SLC47A1: variants seen among roughly 807,000 people sequenced by gnomAD.
The protein encoded by SLC47A1 is solute carrier family 47 member 1, also known as multidrug and toxin extrusion protein 1.
A neutral mutation model predicts 65.8 loss-of-function variants in SLC47A1; 58 were observed. The observed-to-expected ratio is 0.88, with a 90% CI of 0.71 to 1.10. SLC47A1 has a LOEUF of 1.10. Ranked by LOEUF, SLC47A1 falls within the 50% of genes least tolerant of loss-of-function variation. The probability of loss-of-function intolerance (pLI) is 0.00; values close to 1 mark genes in which losing one functional copy is unlikely to be tolerated. For missense variants in SLC47A1, 706 were observed against 719.2 expected, an observed-to-expected ratio of 0.98 and a Z score of 0.21; for synonymous variants, 285 against 295.0, an observed-to-expected ratio of 0.97 and a Z score of 0.35.
intron 16 of SLC47A1, among the ~76,000 whole-genome samples, 193 bp downstream of exon 16, chr17:19,573,054 G>A (rs368671404): frequency 6.6e-6 from 1 of 152,188 alleles, no homozygotes. Context: ...TTAGTAAACC[G>A]CTATAGATGA....
At chr17:19,551,662 A>G (rs1192128415) in intron 6 of SLC47A1, among the ~76,000 whole-genome samples, 194 bp downstream of exon 6, 1 of 152,218 alleles carries the variant, frequency 6.6e-6, no homozygotes, top group East Asian at 1.9e-4. Flanking sequence ...AGTGATGTCA[A>G]GGAAAGAACA....
chr17:19,548,233 G>GAGAGATGAGCACCACCT, intron 4 of SLC47A1, 100 bp downstream of exon 4: 1 of 1,446,282 alleles, frequency 6.9e-7, no homozygotes, highest in Non-Finnish European at 9.3e-7. Context: ...GCACACCAAG[G>GAGAGATGAGCACCACCT]TGGTGCTCAT....
chr17:19,536,140 T>C (rs1253160542), intron 1 of SLC47A1, among the ~76,000 whole-genome samples: 1 of 152,028 alleles, frequency 6.6e-6, no homozygotes, highest in Admixed American at 6.6e-5. Flanking sequence ...CTCCCTGTGT[T>C]GCCCATTGCT....
intron 1 of SLC47A1, 119 bp from the exon 2 acceptor site, chr17:19,542,274 A>C (rs1772543169): frequency 1.8e-6 from 1 of 545,768 alleles, no homozygotes; most frequent in Admixed American, 3.3e-5. Context: ...GCAGAGGCTC[A>C]CTGAAGTTGT....
chr17:19,542,560 CAA>C (rs1916176923), intron 2 of SLC47A1, 66 bp downstream of exon 2: 22 of 1,279,274 alleles, frequency 1.7e-5, no homozygotes, highest in Non-Finnish European at 2.4e-5. Context: ...GCTACTATAA[CAA>C]ATCATCAAAA....
At chr17:19,560,081 T>A in intron 10 of SLC47A1, 107 bp from the exon 11 acceptor site, 1 of 768,132 alleles carries the variant, frequency 1.3e-6, no homozygotes, top group Admixed American at 2.9e-5. Context: ...TTCAAAACTT[T>A]TAGGACCAAG....
At chr17:19,542,872 A>T (rs1405910776) in intron 2 of SLC47A1, among the ~76,000 whole-genome samples, 1 of 149,864 alleles carries the variant, frequency 6.7e-6, no homozygotes, top group African/African-American at 2.5e-5. Context: ...GCTCACTGCA[A>T]CCTCTGCCTC....
chr17:19,554,191 C>G (rs1181093881), intron 6 of SLC47A1, among the ~76,000 whole-genome samples: 1 of 152,214 alleles, frequency 6.6e-6, no homozygotes, highest in Admixed American at 6.5e-5. Context: ...GACATTTAAG[C>G]GAAATCATGG....
At chr17:19,553,867 C>A (rs1158166614) in intron 6 of SLC47A1, among the ~76,000 whole-genome samples, 2 of 152,176 alleles carry the variant, frequency 1.3e-5, no homozygotes, top group Non-Finnish European at 2.9e-5. Flanking sequence ...GCCATTTGTC[C>A]TCTGTGTCAT....
At chr17:19,548,545 A>C (rs1916359087) in intron 4 of SLC47A1, among the ~76,000 whole-genome samples, 1 of 145,554 alleles carries the variant, frequency 6.9e-6, no homozygotes, top group African/African-American at 2.6e-5. Context: ...CGTCCCCCAG[A>C]CTGGAATGCA....
intron 1 of SLC47A1, among the ~76,000 whole-genome samples, chr17:19,538,717 TG>T (rs1916061131): frequency 6.6e-6 from 1 of 152,232 alleles, no homozygotes; most frequent in Non-Finnish European, 1.5e-5. Flanking sequence ...GAAGGGGGGC[TG>T]TCCCAGGTGA....
chr17:19,547,480 G>A lies in SLC47A1; in HGVS notation c.307-505G>A, dbSNP rs147929752. ...TCCAGTCTCTAAAAATAAATGAAGT[G>A]TGAATTTCAGATTGTTTACCTCTGC... On this transcript the variant is annotated intron_variant, in intron 3 of 16. Coordinates refer to ENST00000270570, the MANE Select transcript of SLC47A1 (RefSeq NM_018242.3). Among the ~76,000 whole-genome samples the A allele has an allele frequency of 6.8e-3, 1,026 of 150,290 alleles. 3 individuals carry two copies. The highest frequency in any genetic ancestry group is 0.014 in the Middle Eastern group (4 of 292).
At position 19,575,234 on chromosome 17, in the gene SLC47A1, C is replaced by T. The variant is rs7212034; in HGVS notation, c.1487-2093C>T. Among the ~76,000 whole-genome samples, 9 of 152,064 alleles carry T rather than the reference C, an allele frequency of 5.9e-5. No homozygotes were observed. In the East Asian group the frequency reaches 1.5e-3, roughly 26 times the overall value. ...TAGAGGCATGAGCCACTGCACCCGG[C>T]CCAAAATGATTTTCTTTCAGAACTC... On this transcript the variant is annotated intron_variant, in intron 16 of 16. Coordinates refer to ENST00000270570, the MANE Select transcript of SLC47A1 (RefSeq NM_018242.3).
rs67441443 is a variant in SLC47A1, at chr17:19,557,897, CAAAAA to C, written c.921+1848_921+1852del. ...GTAAATAAAAGTTATACTTTCCCTC[CAAAAA>C]AAAAAAAAAAAAGATTCATAAAAGT... On this transcript the variant is annotated intron_variant, in intron 10 of 16. Transcript: ENST00000270570. 6.6e-3 allele frequency: 938 copies of C among 142,772 alleles called. 2 individuals are homozygous for C. Among genetic ancestry groups the C allele is most frequent in the South Asian group, 0.029 (163 of 5,562 alleles). 8.8% of individuals were successfully genotyped at this position (142,772 alleles called of 1,614,324 possible).
chr17:19,556,032 C>T lies in SLC47A1; in HGVS notation c.891C>T (p.Ile297=), dbSNP rs76420645. Residue 297 remains isoleucine, a synonymous_variant, in exon 10 of 17, where the codon ATC becomes ATT. Transcript: ENST00000270570. ...LGMVELGAQS[I]VYELAIIVYM... Reference sequence around the variant, plus strand: ...TGGTGGAGCTGGGCGCTCAGTCCATCGTGTATGAACTGGCCATCATTGTGT... The same window carrying T: ...TGGTGGAGCTGGGCGCTCAGTCCATTGTGTATGAACTGGCCATCATTGTGT... 246 of 1,614,124 alleles carry T rather than the reference C, an allele frequency of 1.5e-4. No individual in the cohort carries two copies. Among genetic ancestry groups the T allele is most frequent in the Non-Finnish European group, 2.0e-4 (233 of 1,180,048 alleles).
chr17:19,549,654 A>G lies in SLC47A1; in HGVS notation c.475A>G (p.Thr159Ala). 1 of 1,614,150 alleles carries G rather than the reference A, an allele frequency of 6.2e-7. No individual in the cohort carries two copies. Among genetic ancestry groups the G allele is most frequent in the Non-Finnish European group, 8.5e-7 (1 of 1,180,016 alleles). ...ATTTAGGCTTACCCAGACCTATGTCACGATCTTCATTCCAGCTCTTCCTGT... is the reference window on the plus strand; with the variant it reads ...ATTTAGGCTTACCCAGACCTATGTCGCGATCTTCATTCCAGCTCTTCCTGT... ...DVSRLTQTYVTIFIPALPATF... is the reference protein window; with the variant it reads ...DVSRLTQTYVAIFIPALPATF... The change falls in exon 5 of 17, where the codon ACG (threonine) becomes GCG (alanine). Residue 159 changes from threonine to alanine, a missense_variant. By Grantham distance (58) the Thr-to-Ala change is moderately conservative. Coordinates refer to ENST00000270570, the MANE Select transcript of SLC47A1 (RefSeq NM_018242.3).
chr17:19,537,778 C>T (rs1916032673), intron 1 of SLC47A1, among the ~76,000 whole-genome samples: 1 of 152,184 alleles, frequency 6.6e-6, no homozygotes, highest in Non-Finnish European at 1.5e-5. Context: ...TGGCCTGGCC[C>T]TGGCCAGGCC....
rs201893072 is a variant in SLC47A1 at position 19,555,791 on chromosome 17, C to T, written c.740-5C>T. ...CTCCTGGAAATGTGTGTGTCCCCCCCACAGGCTGGTCCCTCGAGTGCCTGC... is the reference window on the plus strand; with the variant it reads ...CTCCTGGAAATGTGTGTGTCCCCCCTACAGGCTGGTCCCTCGAGTGCCTGC... On this transcript the variant is annotated splice_polypyrimidine_tract_variant and splice_region_variant and intron_variant, in intron 8 of 16. Coordinates refer to ENST00000270570, the MANE Select transcript of SLC47A1 (RefSeq NM_018242.3). 8.1e-6 allele frequency: 13 copies of T among 1,613,380 alleles called. No homozygotes were observed. The highest frequency in any genetic ancestry group is 1.3e-5 in the African/African-American group (1 of 74,934).
intron 5 of SLC47A1, among the ~76,000 whole-genome samples, chr17:19,550,769 G>A (rs895049142): frequency 3.9e-5 from 6 of 152,210 alleles, no homozygotes; most frequent in African/African-American, 1.4e-4. Flanking sequence ...AGGTGCAGCA[G>A]GGTTGGTGTC....
Sources: allele counts gnomAD v4.1 joint callset (sites outside exome capture counted in the v4.1 genomes callset), GRCh38; gene constraint gnomAD v4.1.1; transcripts MANE v1.5; gene names NCBI Gene and HGNC (gene_info 2026-07-23, HGNC 2026-07-21).